Variants in SEPTIN3 observed in about 807,000 individuals in gnomAD.
The protein encoded by SEPTIN3 is neuronal-specific septin-3.
In SEPTIN3, 15 loss-of-function variants were observed where a neutral mutation model predicts 45.1. The ratio of observed to expected loss-of-function variants is 0.33; its 90% CI spans 0.22 to 0.51. The LOEUF is 0.51. Among genes scored for constraint, SEPTIN3 ranks in the 20% least tolerant of loss-of-function variants. The pLI is 0.97. For synonymous variants in SEPTIN3, 148 were observed against 164.8 expected, an observed-to-expected ratio of 0.90 and a Z score of 0.78; for missense variants, 289 against 457.2, an observed-to-expected ratio of 0.63 and a Z score of 3.35.
At position 41,987,640 on chromosome 22, in the gene SEPTIN3, G is replaced by A; in HGVS notation, c.1926G>A (p.Lys642=). The change falls in exon 6 of 12, where the codon AAG becomes AAA. Residue 642 remains lysine, a synonymous_variant. Coordinates refer to ENST00000644076, the MANE Select transcript of SEPTIN3 (RefSeq NM_001363845.2). ...CCATCAGCTGGGAGCCCATTGAGAAGTACATCAATGAGCAGTACGAGAAGT... is the reference window on the plus strand; with the variant it reads ...CCATCAGCTGGGAGCCCATTGAGAAATACATCAATGAGCAGTACGAGAAGT... The part of the protein sequence containing the change: ...NNENCWEPIE[K]YINEQYEKFL... The A allele has an allele frequency of 6.2e-7, 1 of 1,612,588 alleles. No homozygotes were observed.
chr22:41,988,421 C>CG (rs1247690657), intron 6 of SEPTIN3, among the ~76,000 whole-genome samples: 1 of 151,790 alleles, frequency 6.6e-6, no homozygotes, highest in East Asian at 1.9e-4. Flanking sequence ...CTGCAGAGAC[C>CG]GGGGGAGGGG....
At chr22:41,973,348 T>A (rs1602408755) in intron 2 of SEPTIN3, among the ~76,000 whole-genome samples, 2 of 151,642 alleles carry the variant, frequency 1.3e-5, no homozygotes, top group East Asian at 3.9e-4. Context: ...ATGGTGAGAC[T>A]GTCTCTACAA....
intron 3 of SEPTIN3, among the ~76,000 whole-genome samples, chr22:41,983,400 C>A (rs1187818714): frequency 6.6e-6 from 1 of 152,238 alleles, no homozygotes; most frequent in Non-Finnish European, 1.5e-5. Flanking sequence ...GTCTCCTTTC[C>A]TCTCCAATCC....
In SEPTIN3 at chr22:41,971,880, G is replaced by A. The variant is rs937826006; in HGVS notation, c.388G>A (p.Glu130Lys). ...RSLDRPLSHW[E>K]ELPTPGKKAA... ...CCTGGATCGCCCACTTTCTCACTGG[G>A]AAGAGTTGCCTACCCCAGGAAAGAA... The change falls in exon 2 of 12, where the codon GAA becomes AAA. Residue 130 changes from glutamate (E) to lysine (K), a missense_variant. Around this residue, in one of 3 missense-constraint regions of SEPTIN3, gnomAD observed 200 missense variants for 315.1 expected, o/e 0.63. Coordinates refer to ENST00000644076, the MANE Select transcript of SEPTIN3 (RefSeq NM_001363845.2). 3 of 399,082 alleles carry A rather than the reference G, an allele frequency of 7.5e-6. No homozygotes were observed. The highest frequency in any genetic ancestry group is 4.1e-5 in the African/African-American group (2 of 48,616). The allele number at this position is 399,082 out of a possible 1,614,324, so 24.7% of individuals were successfully genotyped here.
chr22:41,987,871 C>G (rs2078236051), intron 6 of SEPTIN3, 112 bp downstream of exon 6: 1 of 1,140,186 alleles, frequency 8.8e-7, no homozygotes, highest in Non-Finnish European at 1.2e-6. Flanking sequence ...TAGCTGAGTC[C>G]TAGCCCTTCC....
rs139035031 is a variant in SEPTIN3, at chr22:41,994,564, C to T, written c.2412-57C>T. On this transcript the variant is annotated intron_variant, in intron 10 of 11. Transcript: ENST00000644076. This position sits in a 1 kb window ranked among gnomAD's most constrained non-coding sequence, Gnocchi z 4.2. ...AGTCCCTCGAAGTGATGTGTGTCAC[C>T]GCCTCCTCTTCCTGCCCCTAATTGC... 94 of 1,609,916 alleles carry T rather than the reference C, an allele frequency of 5.8e-5. No individual in the cohort carries two copies. The Admixed American group carries it at 6.7e-4, about 11-fold the overall frequency.
intron 9 of SEPTIN3, among the ~76,000 whole-genome samples, chr22:41,993,401 T>G (rs1423763203): frequency 6.6e-6 from 1 of 152,032 alleles, no homozygotes; most frequent in Admixed American, 6.6e-5. Flanking sequence ...CTCAGCTCAC[T>G]GCAACCTCTG....
At chr22:41,993,002 C>T (rs2078343752) in intron 9 of SEPTIN3, among the ~76,000 whole-genome samples, 1 of 152,114 alleles carries the variant, frequency 6.6e-6, no homozygotes, top group Non-Finnish European at 1.5e-5. Flanking sequence ...GAGTTCAGAA[C>T]ATGGAGAGAT....
rs2078123541 is a variant in SEPTIN3 at position 41,981,701 on chromosome 22, C to T, written c.1561C>T (p.Pro521Ser). 1.2e-6 allele frequency: 2 copies of T among 1,613,992 alleles called. No homozygotes were observed. Among genetic ancestry groups the T allele is most frequent in the Non-Finnish European group, 1.7e-6 (2 of 1,180,002 alleles). Residue 521 changes from proline (P) to serine (S), a missense_variant, in exon 3 of 12, where the codon CCT (proline) becomes TCT (serine). Physicochemically the swap from Pro to Ser is moderately conservative, Grantham distance 74 (BLOSUM62 -1). Around this residue, in one of 3 missense-constraint regions of SEPTIN3, gnomAD observed 200 missense variants for 315.1 expected, o/e 0.63. Transcript: ENST00000644076. ...GTCAGAGCTGGTGCCTGAGCCCAGG[C>T]CTAAGCCAGCGGTGCCCATGAAGCC... ...AMSELVPEPR[P>S]KPAVPMKPMS...
intron 11 of SEPTIN3, chr22:41,995,444 C>T: frequency 1.0e-6 from 1 of 985,602 alleles, no homozygotes; most frequent in Non-Finnish European, 1.2e-6. Flanking sequence ...GCTCTCCACT[C>T]AACTGGCCTC....
chr22:41,978,377 C>T (rs181294814), intron 2 of SEPTIN3, among the ~76,000 whole-genome samples: 4 of 152,146 alleles, frequency 2.6e-5, no homozygotes, highest in Non-Finnish European at 4.4e-5. Flanking sequence ...AGAACTAGTA[C>T]GTATTTGTGC....
At chr22:41,984,845 C>CTTT (rs11380985) in intron 3 of SEPTIN3, among the ~76,000 whole-genome samples, 1,942 of 100,434 alleles carry the variant, frequency 0.019, 13 homozygotes, top group East Asian at 0.059. Context: ...GTGGTTTTCC[C>CTTT]TTTTTTTTTT....
chr22:41,992,629 C>G (rs1428832641), intron 8 of SEPTIN3, 35 bp from the exon 9 acceptor site: 1 of 1,420,966 alleles, frequency 7.0e-7, no homozygotes, highest in Non-Finnish European at 9.7e-7. Flanking sequence ...GATGACGGTG[C>G]ACATGTGTCT....
rs1341164285 is a variant in SEPTIN3, at chr22:41,972,273, A to G, written c.781A>G (p.Thr261Ala). 1 of 399,054 alleles carries G rather than the reference A, an allele frequency of 2.5e-6. No individual in the cohort carries two copies. 24.7% of individuals were successfully genotyped at this position (399,054 alleles called of 1,614,324 possible). ...GACTGTGAATTTGACTGCTATGGAC[A>G]CAAGGACAGACGCAGCCAGACATTT... Reference protein sequence around the residue: ...NTTVNLTAMDTRTDAARHLAT... With the variant: ...NTTVNLTAMDARTDAARHLAT... Residue 261 changes from threonine (T) to alanine (A), a missense_variant, in exon 2 of 12, where the codon ACA (threonine) becomes GCA (alanine). Physicochemically the swap from Thr to Ala is moderately conservative, Grantham distance 58. Coordinates refer to ENST00000644076, the MANE Select transcript of SEPTIN3 (RefSeq NM_001363845.2).
chr22:41,986,988 AAAG>A (rs1407348698), intron 4 of SEPTIN3, among the ~76,000 whole-genome samples: 6 of 152,156 alleles, frequency 3.9e-5, no homozygotes, highest in Non-Finnish European at 8.8e-5. Context: ...AAAAAAAATA[AAAG>A]AAGAAGAAAA....
chr22:41,985,587 A>G (rs143049698), intron 3 of SEPTIN3: 181 of 179,296 alleles, frequency 1.0e-3, no homozygotes, highest in African/African-American at 4.2e-3. Context: ...TGAATGTACA[A>G]TATGCACTGT....
At chr22:41,992,036 C>A (rs2078326144) in intron 8 of SEPTIN3, among the ~76,000 whole-genome samples, 1 of 152,116 alleles carries the variant, frequency 6.6e-6, no homozygotes, top group African/African-American at 2.4e-5. Context: ...CTATGAAATG[C>A]AGGGGTTAGA....
intron 6 of SEPTIN3, 61 bp downstream of exon 6, chr22:41,987,820 C>T: frequency 6.4e-7 from 1 of 1,553,804 alleles, no homozygotes; most frequent in South Asian, 1.2e-5. Flanking sequence ...CTGTGCCCAT[C>T]TGGATTGGAT....
At position 41,989,547 on chromosome 22, in the gene SEPTIN3, CT is replaced by C. The variant is rs773545687; in HGVS notation, c.2046-19del. 45 of 1,564,980 alleles carry C rather than the reference CT, an allele frequency of 2.9e-5. No homozygotes were observed. The highest frequency in any genetic ancestry group is 3.9e-5 in the Non-Finnish European group (44 of 1,135,694). On this transcript the variant is annotated intron_variant, in intron 6 of 11. Coordinates refer to ENST00000644076, the MANE Select transcript of SEPTIN3 (RefSeq NM_001363845.2). ...GGAGGGCAAGGTGGCTCTGATGATT[CT>C]GCCTTTTCTGTGCCCCAGCTTGCGA...
Sources: gnomAD v4.1 joint callset for allele counts (sites outside exome capture counted in the v4.1 genomes callset) on GRCh38, gnomAD v4.1.1 for gene constraint, gnomAD v4.1.1 regional missense constraint, Gnocchi (gnomAD v3.1) non-coding constraint, MANE v1.5 for transcripts, NCBI Gene and HGNC (gene_info 2026-07-23, HGNC 2026-07-21) for gene names.